TRAPPC12: variants seen among roughly 807,000 people sequenced by gnomAD.
TRAPPC12 encodes the protein TPR repeat protein 15.
Under a neutral mutation model 69.2 loss-of-function variants are expected in TRAPPC12, and 61 were observed. The observed-to-expected ratio is 0.88, with a 90% confidence interval of 0.72 to 1.09. The LOEUF (loss-of-function observed/expected upper bound fraction) is 1.09, where lower values mean the gene tolerates loss of function less well. TRAPPC12 is among the 50% of genes least tolerant of loss of function. TRAPPC12 has a pLI of 0.00. For synonymous variants in TRAPPC12, 469 were observed against 438.9 expected, an observed-to-expected ratio of 1.07 and a Z score of -0.86; for missense variants, 1,101 against 1,016.4, an observed-to-expected ratio of 1.08 and a Z score of -1.13.
At chr2:3,473,091 TAGA>T (rs1277999188) in intron 9 of TRAPPC12, among the ~76,000 whole-genome samples, 1 of 152,174 alleles carries the variant, frequency 6.6e-6, no homozygotes, top group Non-Finnish European at 1.5e-5. Flanking sequence ...GCTTGTCTGG[TAGA>T]GGAGGCTTCT....
At chr2:3,405,231 T>C (rs1661663509) in intron 3 of TRAPPC12, among the ~76,000 whole-genome samples, 1 of 152,032 alleles carries the variant, frequency 6.6e-6, no homozygotes, top group African/African-American at 2.4e-5. Context: ...TTTGAAAAAC[T>C]AACATAGTCC....
At chr2:3,412,470 C>T (rs891332318) in intron 3 of TRAPPC12, among the ~76,000 whole-genome samples, 2 of 152,136 alleles carry the variant, frequency 1.3e-5, no homozygotes, top group African/African-American at 2.4e-5. Flanking sequence ...CTGAGGCGGG[C>T]GAATTGCTTG....
intron 3 of TRAPPC12, among the ~76,000 whole-genome samples, chr2:3,409,750 TAAAAAA>T (rs71396989): frequency 0.014 from 785 of 54,904 alleles, 16 homozygotes; most frequent in African/African-American, 0.046. Context: ...ACTTTGTCTT[TAAAAAA>T]AAAAAAAAAA....
intron 1 of TRAPPC12, among the ~76,000 whole-genome samples, chr2:3,382,163 T>TCTTATTC (rs1289786963): frequency 7.4e-6 from 1 of 135,608 alleles, no homozygotes; most frequent in Non-Finnish European, 1.5e-5. Context: ...TGAGATGGAG[T>TCTTATTC]CTTATTCTGC....
rs555527612 is a variant in TRAPPC12, at chr2:3,446,727, T to G, written c.1530+2836T>G. 6.6e-5 allele frequency among the ~76,000 whole-genome samples: 10 copies of G among 152,374 alleles called. No individual in the cohort carries two copies. The East Asian group carries it at 1.7e-3, about 26-fold the overall frequency. Reference sequence around the variant, plus strand: ...TGTCCAGAACAGCTCTATCTGAGCTTGTTCATTTGTTCATGCAGCAAATGC... The same window carrying G: ...TGTCCAGAACAGCTCTATCTGAGCTGGTTCATTTGTTCATGCAGCAAATGC... On this transcript the variant is annotated intron_variant, in intron 6 of 11. Coordinates refer to ENST00000324266, the MANE Select transcript of TRAPPC12 (RefSeq NM_016030.6).
intron 1 of TRAPPC12, among the ~76,000 whole-genome samples, chr2:3,385,980 G>A (rs1367688341): frequency 2.0e-5 from 3 of 152,156 alleles, no homozygotes; most frequent in East Asian, 3.9e-4. Context: ...GAAAAAAAAC[G>A]TTTTACTCCT....
chr2:3,431,264 C>T (rs10164542), intron 5 of TRAPPC12, among the ~76,000 whole-genome samples: 19,392 of 152,232 alleles, frequency 0.13, 1,346 homozygotes, highest in Middle Eastern at 0.28. Context: ...GAGTCTTTGG[C>T]CCTGTAGACA....
intron 3 of TRAPPC12, among the ~76,000 whole-genome samples, chr2:3,404,497 C>T (rs1480666500): frequency 6.6e-6 from 1 of 151,914 alleles, no homozygotes; most frequent in Non-Finnish European, 1.5e-5. Context: ...GAGAAAGTAC[C>T]GAACATTGGC....
At chr2:3,383,981 C>T (rs1204049948) in intron 1 of TRAPPC12, among the ~76,000 whole-genome samples, 6 of 139,658 alleles carry the variant, frequency 4.3e-5, no homozygotes, top group African/African-American at 1.3e-4. Context: ...CTGCAACCTC[C>T]GCCTCCTGGG....
chr2:3,478,861 C>T lies in TRAPPC12; in HGVS notation c.1893C>T (p.Leu631=), dbSNP rs769928088. 1.2e-5 allele frequency: 19 copies of T among 1,614,076 alleles called. No individual in the cohort carries two copies. The Admixed American group carries it at 1.7e-4, about 14-fold the overall frequency. Residue 631 remains leucine, a synonymous_variant, in exon 11 of 12, where the codon CTC becomes CTT. Coordinates refer to ENST00000324266, the MANE Select transcript of TRAPPC12 (RefSeq NM_016030.6). ...TGTGTTACAGCGCGTTCCTTCACCT[C>T]GGGCAGAATAACTTTGCAGAAGCCC... is the stretch of plus-strand genomic sequence containing the variant. ...MVLMNSAFLH[L]GQNNFAEAHR...
intron 6 of TRAPPC12, among the ~76,000 whole-genome samples, chr2:3,449,990 G>A (rs946922119): frequency 2.6e-5 from 4 of 151,940 alleles, no homozygotes; most frequent in African/African-American, 9.7e-5. Context: ...GAATGTGCAA[G>A]CAGAAGAAGA....
In TRAPPC12 at chr2:3,393,508, T is replaced by TAC. The variant is rs535477529; in HGVS notation, c.1047+4839_1047+4840insCA. ...TAAGTGTCCTCACCACCCTCACACA[T>TAC]ATACACACACACACAGTAACTATGG... On this transcript the variant is annotated intron_variant, in intron 2 of 11. Transcript: ENST00000324266. Among the ~76,000 whole-genome samples the TAC allele has an allele frequency of 2.5e-3, 372 of 151,596 alleles. 3 individuals are homozygous for TAC. Among genetic ancestry groups the TAC allele is most frequent in the African/African-American group, 8.5e-3 (350 of 41,316 alleles).
intron 5 of TRAPPC12, among the ~76,000 whole-genome samples, chr2:3,440,911 T>TA (rs1489450141): frequency 6.6e-6 from 1 of 152,226 alleles, no homozygotes; most frequent in Non-Finnish European, 1.5e-5. Context: ...CATCTATTGA[T>TA]ATGATTTTTG....
At chr2:3,400,706 C>G (rs1006055102) in intron 2 of TRAPPC12, among the ~76,000 whole-genome samples, 3 of 152,196 alleles carry the variant, frequency 2.0e-5, no homozygotes, top group Non-Finnish European at 4.4e-5. Flanking sequence ...AGCACTGAGG[C>G]CTGTGGACTG....
At chr2:3,476,856 A>G (rs1394433452) in intron 9 of TRAPPC12, among the ~76,000 whole-genome samples, 13 of 152,210 alleles carry the variant, frequency 8.5e-5, no homozygotes, top group African/African-American at 2.4e-5. Context: ...TGCTGCCATG[A>G]TAACAGAGCT....
At chr2:3,424,455 A>G in intron 4 of TRAPPC12, 70 bp from the exon 5 acceptor site, 1 of 1,449,512 alleles carries the variant, frequency 6.9e-7, no homozygotes, top group Middle Eastern at 1.8e-4. Flanking sequence ...ACACCAACTC[A>G]TAAGGAATAG....
intron 1 of TRAPPC12, 25 bp from the exon 2 acceptor site, chr2:3,387,595 G>T: frequency 4.0e-6 from 6 of 1,492,648 alleles, no homozygotes; most frequent in Non-Finnish European, 5.4e-6. Flanking sequence ...ACGCTCAGGG[G>T]CCTTCTCTCT....
intron 9 of TRAPPC12, chr2:3,466,205 CAG>C (rs1003441251): frequency 2.2e-6 from 1 of 457,014 alleles, no homozygotes; most frequent in Admixed American, 2.4e-5. Flanking sequence ...AGGGAGGTCA[CAG>C]GGAGTGATGA....
At chr2:3,418,995 G>T (rs1662613815) in intron 3 of TRAPPC12, among the ~76,000 whole-genome samples, 1 of 152,112 alleles carries the variant, frequency 6.6e-6, no homozygotes, top group South Asian at 2.1e-4. Context: ...CGGCCCGCTG[G>T]TCCTTACTGC....
Sources: allele counts gnomAD v4.1 joint callset (sites outside exome capture counted in the v4.1 genomes callset), GRCh38; gene constraint gnomAD v4.1.1; transcripts MANE v1.5; gene names NCBI Gene and HGNC (gene_info 2026-07-23, HGNC 2026-07-21).